Variants in CDK17 observed in about 807,000 individuals in gnomAD.
CDK17 encodes the protein cyclin dependent kinase 17, also known as cyclin-dependent kinase 17.
CDK17 carries 24 observed loss-of-function variants against 77.6 expected under a neutral mutation model. The observed-to-expected ratio is 0.31, with a 90% confidence interval of 0.22 to 0.44. CDK17 has a LOEUF of 0.44. Ranked by LOEUF, CDK17 falls within the 20% of genes least tolerant of loss-of-function variation. The probability of loss-of-function intolerance (pLI) is 1.00; values close to 1 mark genes in which losing one functional copy is unlikely to be tolerated. For synonymous variants in CDK17, 203 were observed against 210.4 expected, an observed-to-expected ratio of 0.96 and a Z score of 0.30; for missense variants, 429 against 622.5, an observed-to-expected ratio of 0.69 and a Z score of 3.31.
intron 13 of CDK17, 31 bp downstream of exon 13, chr12:96,286,012 T>C (rs755916880): frequency 1.1e-5 from 12 of 1,060,312 alleles, no homozygotes; most frequent in Non-Finnish European, 1.8e-5. Context: ...ATCATGTGTT[T>C]TCCCCCCTTT....
In CDK17 at chr12:96,400,146, C is replaced by T. The variant is rs1288547862; in HGVS notation, c.-190G>A. 1.0e-5 allele frequency: 4 copies of T among 394,126 alleles called. No individual in the cohort carries two copies. The highest frequency in any genetic ancestry group is 1.8e-5 in the Non-Finnish European group (4 of 223,100). The allele number at this position is 394,126 out of a possible 1,614,324, so 24.4% of individuals were successfully genotyped here. On this transcript the variant is annotated 5_prime_UTR_variant, in exon 1 of 17. Transcript: ENST00000261211. Reference sequence around the variant, plus strand: ...AGGCCTCCGCCGCCACAGCCGCCTTCCGGCTCTCGCCGCGGGTCCGGAGCC... The same window carrying T: ...AGGCCTCCGCCGCCACAGCCGCCTTTCGGCTCTCGCCGCGGGTCCGGAGCC...
chr12:96,392,151 A>T (rs754097418), intron 1 of CDK17, among the ~76,000 whole-genome samples: 2 of 152,256 alleles, frequency 1.3e-5, no homozygotes, highest in Non-Finnish European at 2.9e-5. Flanking sequence ...TACAGTATAC[A>T]TAAATACTAT....
intron 13 of CDK17, among the ~76,000 whole-genome samples, chr12:96,284,649 C>G (rs1952224585): frequency 6.6e-6 from 1 of 150,642 alleles, no homozygotes; most frequent in Non-Finnish European, 1.5e-5. Flanking sequence ...TGCAACCTCT[C>G]TACCTCCTGG....
intron 5 of CDK17, among the ~76,000 whole-genome samples, chr12:96,302,120 A>G (rs1952513851): frequency 6.6e-6 from 1 of 152,138 alleles, no homozygotes; most frequent in Non-Finnish European, 1.5e-5. Flanking sequence ...CTATTCATCC[A>G]TGTATTGTCT....
At chr12:96,381,365 C>CAA (rs58765838) in intron 1 of CDK17, among the ~76,000 whole-genome samples, 2 of 144,242 alleles carry the variant, frequency 1.4e-5, no homozygotes. Context: ...TTTTTTCCTA[C>CAA]AAAAAAAAAA....
At chr12:96,283,722 G>C (rs890398896) in intron 13 of CDK17, 77 bp from the exon 14 acceptor site, 7 of 955,126 alleles carry the variant, frequency 7.3e-6, no homozygotes, top group Non-Finnish European at 1.2e-5. Flanking sequence ...TATTTTCTAA[G>C]TGTTTTAATC....
At chr12:96,390,783 A>G (rs1592774794) in intron 1 of CDK17, among the ~76,000 whole-genome samples, 1 of 151,640 alleles carries the variant, frequency 6.6e-6, no homozygotes, top group East Asian at 2.0e-4. Flanking sequence ...ACCATGGAAC[A>G]GTTTTTATTT....
intron 1 of CDK17, among the ~76,000 whole-genome samples, chr12:96,357,188 A>C (rs1953406957): frequency 6.6e-6 from 1 of 152,246 alleles, no homozygotes; most frequent in South Asian, 2.1e-4. Context: ...CAGGCCAGGC[A>C]CTGTGGCTCA....
At chr12:96,322,900 G>C (rs1379683104) in intron 3 of CDK17, among the ~76,000 whole-genome samples, 1 of 152,054 alleles carries the variant, frequency 6.6e-6, no homozygotes, top group African/African-American at 2.4e-5. Flanking sequence ...GCCAACTCCA[G>C]CATACCATTC....
chr12:96,378,453 A>G (rs1258673265), intron 1 of CDK17, among the ~76,000 whole-genome samples: 1 of 152,154 alleles, frequency 6.6e-6, no homozygotes, highest in Admixed American at 6.5e-5. Flanking sequence ...TTGATCTTAC[A>G]GTTTTATTAG....
rs11369777 is a variant in CDK17 at position 96,353,605 on chromosome 12, C to CGGGGGGGGG, written c.-29-18749_-29-18741dup. On this transcript the variant is annotated intron_variant, in intron 1 of 16. Coordinates refer to ENST00000261211, the MANE Select transcript of CDK17 (RefSeq NM_002595.5). ...AATGTCAACAGAGTTTAAAAGGTGG[C>CGGGGGGGGG]GGGGGGGGGCGCGGGTACAAATATT... Among the ~76,000 whole-genome samples, 3 of 140,922 alleles carry CGGGGGGGGG rather than the reference C, an allele frequency of 2.1e-5. No individual in the cohort carries two copies. The Admixed American group carries it at 2.3e-4, about 11-fold the overall frequency. 92.5% of individuals were successfully genotyped at this position (140,922 alleles called of 152,430 possible).
intron 1 of CDK17, among the ~76,000 whole-genome samples, chr12:96,377,848 T>C (rs559913388): frequency 1.7e-4 from 26 of 152,046 alleles, no homozygotes; most frequent in East Asian, 7.7e-4. Context: ...CGCCCGCCAC[T>C]ACGCCCAGCT....
chr12:96,286,786 T>C (rs909493651), intron 11 of CDK17, 25 bp from the exon 12 acceptor site: 2 of 1,547,440 alleles, frequency 1.3e-6, no homozygotes, highest in African/African-American at 2.7e-5. Context: ...ATGAAAATAA[T>C]TTAGCAATTC....
chr12:96,337,212 T>A (rs1437033487), intron 1 of CDK17, among the ~76,000 whole-genome samples: 1 of 152,196 alleles, frequency 6.6e-6, no homozygotes, highest in South Asian at 2.1e-4. Flanking sequence ...GGCTCTTCAC[T>A]AGGGCCAGAA....
intron 2 of CDK17, among the ~76,000 whole-genome samples, chr12:96,327,732 T>C (rs979489587): frequency 8.6e-5 from 13 of 151,838 alleles, no homozygotes; most frequent in African/African-American, 3.1e-4. Flanking sequence ...GTCTTTTTGG[T>C]AGAGATGGGG....
intron 1 of CDK17, among the ~76,000 whole-genome samples, chr12:96,363,982 CT>C (rs1426200545): frequency 6.6e-6 from 1 of 152,232 alleles, no homozygotes; most frequent in East Asian, 1.9e-4. Flanking sequence ...GCATAATCCT[CT>C]TTAGAATTTC....
rs965856237 is a variant in CDK17 at position 96,400,263 on chromosome 12, C to T, written c.-307G>A. The T allele has an allele frequency of 2.5e-6, 1 of 393,092 alleles. No individual in the cohort carries two copies. The highest frequency in any genetic ancestry group is 3.6e-5 in the East Asian group (1 of 27,688). 24.4% of individuals were successfully genotyped at this position (393,092 alleles called of 1,614,324 possible). On this transcript the variant is annotated 5_prime_UTR_variant, in exon 1 of 17. Coordinates refer to ENST00000261211, the MANE Select transcript of CDK17 (RefSeq NM_002595.5). ...GAGCCGCGCGGACGGCCCACTAATCCCCTCGGAGCAGCCGGGCGCGAGCGC... is the reference window on the plus strand; with the variant it reads ...GAGCCGCGCGGACGGCCCACTAATCTCCTCGGAGCAGCCGGGCGCGAGCGC...
intron 1 of CDK17, among the ~76,000 whole-genome samples, chr12:96,348,298 G>T (rs1953255923): frequency 6.6e-6 from 1 of 151,988 alleles, no homozygotes; most frequent in Non-Finnish European, 1.5e-5. Context: ...GCTGACGTGG[G>T]TGGACCACCT....
intron 1 of CDK17, among the ~76,000 whole-genome samples, chr12:96,381,802 C>G (rs1953888097): frequency 6.7e-6 from 1 of 149,808 alleles, no homozygotes; most frequent in African/African-American, 2.5e-5. Context: ...TGATAAAAAC[C>G]AAATATCAGA....
Sources: gnomAD v4.1 joint callset for allele counts (sites outside exome capture counted in the v4.1 genomes callset) on GRCh38, gnomAD v4.1.1 for gene constraint, MANE v1.5 for transcripts, NCBI Gene and HGNC (gene_info 2026-07-23, HGNC 2026-07-21) for gene names.